Variants in MARCHF1 observed in about 807,000 individuals in gnomAD.
MARCHF1 encodes the protein membrane associated ring-CH-type finger 1, also known as E3 ubiquitin-protein ligase MARCHF1.
MARCHF1 carries 40 observed loss-of-function variants against 54.2 expected under a neutral mutation model. The observed-to-expected ratio is 0.74, with a 90% confidence interval of 0.57 to 0.96. MARCHF1 has a LOEUF of 0.96. Among genes scored for constraint, MARCHF1 ranks in the 40% least tolerant of loss-of-function variants. The pLI is 0.00. For missense variants in MARCHF1, 586 were observed against 656.5 expected (o/e 0.89, Z 1.17); for synonymous variants, 236 against 236.3 (o/e 1.00, Z 0.01).
chr4:163,556,619 T>C (rs1246344915), intron 8 of MARCHF1, among the ~76,000 whole-genome samples: 1 of 151,852 alleles, frequency 6.6e-6, no homozygotes, highest in Admixed American at 6.6e-5. Flanking sequence ...ATATATACGA[T>C]TTATATATAA....
chr4:163,929,790 G>C (rs1362954160), intron 3 of MARCHF1, among the ~76,000 whole-genome samples: 1 of 150,230 alleles, frequency 6.7e-6, no homozygotes, highest in Non-Finnish European at 1.5e-5. Context: ...GGCAGGACTA[G>C]ATCCCATATA....
chr4:164,233,679 C>T (rs1732475347), intron 1 of MARCHF1, among the ~76,000 whole-genome samples: 1 of 152,042 alleles, frequency 6.6e-6, no homozygotes, highest in African/African-American at 2.4e-5. Context: ...GTCCTATCCT[C>T]CAAGATGGCC....
chr4:163,960,758 A>T (rs1243609608), intron 3 of MARCHF1, among the ~76,000 whole-genome samples: 1 of 151,316 alleles, frequency 6.6e-6, no homozygotes, highest in Admixed American at 6.6e-5. Flanking sequence ...CCTCTGTTAC[A>T]TGTGTTTACC....
At chr4:163,891,514 A>C (rs1001766932) in intron 3 of MARCHF1, among the ~76,000 whole-genome samples, 2 of 152,144 alleles carry the variant, frequency 1.3e-5, no homozygotes, top group African/African-American at 2.4e-5. Context: ...TTTTGCCTAC[A>C]GAAATTTATG....
chr4:163,949,819 C>T lies in MARCHF1; in HGVS notation c.-39+38682G>A, dbSNP rs561340549. 7.2e-5 allele frequency among the ~76,000 whole-genome samples: 11 copies of T among 151,796 alleles called. No individual in the cohort carries two copies. The East Asian group carries it at 2.1e-3, about 30-fold the overall frequency. ...CCTCTTTGCAGGCAGGTTGTCCTGT[C>T]CTCTGCTCAGCTCTCAGCAGAGAGG... On this transcript the variant is annotated intron_variant, in intron 3 of 9. Transcript: ENST00000514618.
intron 2 of MARCHF1, among the ~76,000 whole-genome samples, chr4:163,994,990 C>A (rs1753046592): frequency 6.6e-6 from 1 of 151,966 alleles, no homozygotes; most frequent in African/African-American, 2.4e-5. Context: ...TCCCCACATA[C>A]CAAACAAACA....
intron 5 of MARCHF1, among the ~76,000 whole-genome samples, chr4:163,686,827 A>G (rs1744282769): frequency 6.6e-6 from 1 of 152,186 alleles, no homozygotes; most frequent in Non-Finnish European, 1.5e-5. Flanking sequence ...ACTTAGAAAT[A>G]TGATAACCAA....
At chr4:164,252,484 C>T (rs1340117117) in intron 1 of MARCHF1, among the ~76,000 whole-genome samples, 2 of 152,114 alleles carry the variant, frequency 1.3e-5, no homozygotes, top group Non-Finnish European at 1.5e-5. Context: ...TCTAAAGGCT[C>T]CTCCCTCCCC....
intron 3 of MARCHF1, among the ~76,000 whole-genome samples, chr4:163,937,486 T>C (rs1751823450): frequency 6.6e-6 from 1 of 151,516 alleles, no homozygotes; most frequent in South Asian, 2.1e-4. Context: ...TTTACATATA[T>C]AAATGTATAA....
intron 1 of MARCHF1, among the ~76,000 whole-genome samples, chr4:164,123,817 A>C (rs1756126212): frequency 6.6e-6 from 1 of 151,982 alleles, no homozygotes. Flanking sequence ...CATATTGGGG[A>C]AAATCTCCAG....
chr4:164,095,772 A>G (rs1755398004), intron 2 of MARCHF1, among the ~76,000 whole-genome samples: 1 of 152,150 alleles, frequency 6.6e-6, no homozygotes, highest in Non-Finnish European at 1.5e-5. Flanking sequence ...ACATGAACAG[A>G]CACTTGTCAA....
At chr4:163,944,596 C>T (rs1285799832) in intron 3 of MARCHF1, among the ~76,000 whole-genome samples, 2 of 152,138 alleles carry the variant, frequency 1.3e-5, no homozygotes, top group African/African-American at 4.8e-5. Flanking sequence ...ATCCCACTTC[C>T]TCCCACTTTC....
chr4:163,835,455 T>C (rs1749154562), intron 4 of MARCHF1, among the ~76,000 whole-genome samples: 1 of 152,230 alleles, frequency 6.6e-6, no homozygotes. Flanking sequence ...AGACAGACTG[T>C]AGCCTAAACT....
chr4:163,999,705 T>A (rs1251801701), intron 2 of MARCHF1, among the ~76,000 whole-genome samples: 1 of 151,590 alleles, frequency 6.6e-6, no homozygotes, highest in Non-Finnish European at 1.5e-5. Context: ...TGCTATTTAT[T>A]GAGCCAACTC....
intron 1 of MARCHF1, among the ~76,000 whole-genome samples, chr4:164,279,408 C>G (rs1356467871): frequency 1.3e-5 from 2 of 151,112 alleles, no homozygotes; most frequent in African/African-American, 4.9e-5. Flanking sequence ...AGGAAAGATG[C>G]ATAAATATAT....
At chr4:163,803,354 G>C (rs1000979122) in intron 4 of MARCHF1, among the ~76,000 whole-genome samples, 21 of 151,896 alleles carry the variant, frequency 1.4e-4, no homozygotes, top group Non-Finnish European at 2.5e-4. Context: ...TGTATTTTTA[G>C]TAGAGACGGG....
intron 5 of MARCHF1, among the ~76,000 whole-genome samples, chr4:163,642,984 T>C (rs1289216885): frequency 6.6e-6 from 1 of 151,984 alleles, no homozygotes; most frequent in East Asian, 1.9e-4. Context: ...TGTGTATATA[T>C]ACACACACAT....
At chr4:163,742,802 G>A (rs1695315987) in intron 4 of MARCHF1, among the ~76,000 whole-genome samples, 1 of 152,132 alleles carries the variant, frequency 6.6e-6, no homozygotes, top group Non-Finnish European at 1.5e-5. Context: ...TAAGATGGGA[G>A]ATCTAAGATA....
intron 4 of MARCHF1, among the ~76,000 whole-genome samples, chr4:163,744,529 G>A (rs546628711): frequency 6.6e-6 from 1 of 152,198 alleles, no homozygotes; most frequent in East Asian, 1.9e-4. Flanking sequence ...CTATAAAATG[G>A]AAAAACATAC....
Sources: gnomAD v4.1 joint callset for allele counts (sites outside exome capture counted in the v4.1 genomes callset) on GRCh38, gnomAD v4.1.1 for gene constraint, MANE v1.5 for transcripts, NCBI Gene and HGNC (gene_info 2026-07-23, HGNC 2026-07-21) for gene names.